Variants in CACNA2D4 observed in about 807,000 individuals in gnomAD.
The protein encoded by CACNA2D4 is voltage-dependent calcium channel subunit alpha-2/delta-4.
In CACNA2D4, 157 loss-of-function variants were observed where a neutral mutation model predicts 163.8. The ratio of observed to expected loss-of-function variants is 0.96; its 90% CI spans 0.84 to 1.09. The LOEUF is 1.09. Among genes scored for constraint, CACNA2D4 ranks in the 50% least tolerant of loss-of-function variants. The pLI, the probability that CACNA2D4 is intolerant of heterozygous loss-of-function variation, is 0.00. For missense variants in CACNA2D4, 1,410 were observed against 1,479.9 expected, an observed-to-expected ratio of 0.95 and a Z score of 0.78; for synonymous variants, 598 against 586.9, an observed-to-expected ratio of 1.02 and a Z score of -0.27.
chr12:1,799,071 C>T lies in CACNA2D4; in HGVS notation c.2995+604G>A, dbSNP rs942465302. Among the ~76,000 whole-genome samples, 4 of 152,188 alleles carry T rather than the reference C, an allele frequency of 2.6e-5. No homozygotes were observed. The highest frequency in any genetic ancestry group is 9.6e-5 in the African/African-American group (4 of 41,456). On this transcript the variant is annotated intron_variant, in intron 34 of 37. Transcript: ENST00000382722. This position sits in a 1 kb window ranked among gnomAD's most constrained non-coding sequence, Gnocchi z 4.7. Reference sequence around the variant, plus strand: ...CCCCATGGCAAAGGTTCTAGGAACACGGAGGAACTGAGCAGAGCCCGCTGA... The same window carrying T: ...CCCCATGGCAAAGGTTCTAGGAACATGGAGGAACTGAGCAGAGCCCGCTGA...
chr12:1,797,532 TG>T lies in CACNA2D4; in HGVS notation c.2998del (p.His1000ThrfsTer55). 1.3e-6 allele frequency: 2 copies of T among 1,560,978 alleles called. No individual in the cohort carries two copies. The highest frequency in any genetic ancestry group is 1.2e-5 in the South Asian group (1 of 85,152). ...CAGCGGGTCCTGCTTCTTGTGTTTG[TG>T]GGCTGCGGGCGGAGAAAGGACATCA... ...AEAKSVFHHS[H>X]KHKKQDPLQP... is the part of the protein sequence containing the mutation. On this transcript the variant is annotated frameshift_variant and splice_region_variant, in exon 35 of 38. Transcript: ENST00000382722. LOFTEE classifies it high-confidence loss of function.
At chr12:1,881,734 C>T (rs1866003971) in intron 13 of CACNA2D4, among the ~76,000 whole-genome samples, 1 of 152,252 alleles carries the variant, frequency 6.6e-6, no homozygotes, top group African/African-American at 2.4e-5. Context: ...CCAAAGGCAG[C>T]CAGCTCGTCT....
chr12:1,866,786 A>AC (rs1328899899), intron 18 of CACNA2D4, among the ~76,000 whole-genome samples: 1 of 82,118 alleles, frequency 1.2e-5, no homozygotes, highest in South Asian at 3.5e-4. Context: ...ACACCTGGCT[A>AC]ATTTTTTTTT....
rs937394606 is a variant in CACNA2D4, at chr12:1,917,645, G to T, written c.227+602C>A. 1.3e-5 allele frequency among the ~76,000 whole-genome samples: 2 copies of T among 152,228 alleles called. No individual in the cohort carries two copies. Among genetic ancestry groups the T allele is most frequent in the African/African-American group, 2.4e-5 (1 of 41,466 alleles). On this transcript the variant is annotated intron_variant, in intron 1 of 37. Transcript: ENST00000382722. The surrounding 1 kb of genome is among the most constrained non-coding windows in gnomAD (Gnocchi z 4.3). ...CCAAGGTGCACATGACTGATACCGG[G>T]TTCTTTCCTGGAGCCGGTCTTAATG... is the stretch of plus-strand genomic sequence containing the variant.
At chr12:1,808,705 G>A (rs115118384) in intron 29 of CACNA2D4, among the ~76,000 whole-genome samples, 88 of 152,338 alleles carry the variant, frequency 5.8e-4, no homozygotes, top group African/African-American at 2.1e-3. Context: ...CCAACACCAC[G>A]GGAGGCCTGG....
At chr12:1,864,427 A>G (rs1865595707) in intron 18 of CACNA2D4, among the ~76,000 whole-genome samples, 1 of 152,142 alleles carries the variant, frequency 6.6e-6, no homozygotes, top group Non-Finnish European at 1.5e-5. Context: ...TTCCATAGTT[A>G]CTCTGCCGTG....
At chr12:1,795,028 A>G in intron 37 of CACNA2D4, 1 of 574,650 alleles carries the variant, frequency 1.7e-6, no homozygotes, top group Non-Finnish European at 3.1e-6. Flanking sequence ...AAGACCAAAC[A>G]CTATAACAAA....
At chr12:1,885,854 G>T in intron 9 of CACNA2D4, 111 bp downstream of exon 9, 1 of 761,286 alleles carries the variant, frequency 1.3e-6, no homozygotes, top group Non-Finnish European at 2.2e-6. Context: ...TCTCATTCCA[G>T]GTGCCATGGG....
intron 18 of CACNA2D4, among the ~76,000 whole-genome samples, chr12:1,861,096 C>T (rs577136612): frequency 1.4e-4 from 22 of 152,346 alleles, no homozygotes; most frequent in Non-Finnish European, 2.9e-4. Context: ...TTGCAGTTGG[C>T]CCAGGACTTG....
chr12:1,902,438 A>G (rs919092425), intron 6 of CACNA2D4, among the ~76,000 whole-genome samples: 4 of 152,088 alleles, frequency 2.6e-5, no homozygotes, highest in Non-Finnish European at 5.9e-5. Context: ...CCTTATTTGC[A>G]GATAATATGA....
At chr12:1,915,537 G>T (rs1414741422) in intron 1 of CACNA2D4, among the ~76,000 whole-genome samples, 1 of 152,212 alleles carries the variant, frequency 6.6e-6, no homozygotes. Flanking sequence ...AAAGCCACTG[G>T]GGGCTGCCGA....
intron 6 of CACNA2D4, among the ~76,000 whole-genome samples, chr12:1,906,008 A>G (rs1866651725): frequency 1.3e-5 from 2 of 152,210 alleles, no homozygotes; most frequent in African/African-American, 2.4e-5. Flanking sequence ...TAGGACAAAA[A>G]TCCCAGAAAT....
rs756499582 is a variant in CACNA2D4, at chr12:1,884,233, C to T, written c.1351+10G>A. 45 of 1,609,626 alleles carry T rather than the reference C, an allele frequency of 2.8e-5. No individual in the cohort carries two copies. In the African/African-American group the frequency reaches 3.9e-4, roughly 14 times the overall value. On this transcript the variant is annotated intron_variant, in intron 12 of 37. Coordinates refer to ENST00000382722, the MANE Select transcript of CACNA2D4 (RefSeq NM_172364.5). ...GCAGGTGGGAAGGTACCTGCTGGCC[C>T]GGCACTCACCTTTGTTGTTGCATGC...
chr12:1,894,969 A>G (rs529367598), intron 6 of CACNA2D4, among the ~76,000 whole-genome samples: 2 of 152,232 alleles, frequency 1.3e-5, no homozygotes, highest in Non-Finnish European at 2.9e-5. Context: ...AGATGGCATA[A>G]TCTTATATCT....
In CACNA2D4 at chr12:1,810,261, T is replaced by G; in HGVS notation, c.2721+17A>C. ...CTGCCGCCCTCTCCCCCTCATTCTA[T>G]ATCCCCAGTGACTCACCTCTCGGGA... On this transcript the variant is annotated intron_variant, in intron 29 of 37. Coordinates refer to ENST00000382722, the MANE Select transcript of CACNA2D4 (RefSeq NM_172364.5). The G allele has an allele frequency of 6.2e-7, 1 of 1,604,234 alleles. No individual in the cohort carries two copies. Among genetic ancestry groups the G allele is most frequent in the Non-Finnish European group, 8.5e-7 (1 of 1,171,138 alleles).
rs1225657695 is a variant in CACNA2D4 at position 1,843,633 on chromosome 12, G to A, written c.2470+769C>T. On this transcript the variant is annotated intron_variant, in intron 25 of 37. Coordinates refer to ENST00000382722, the MANE Select transcript of CACNA2D4 (RefSeq NM_172364.5). This position sits in a 1 kb window ranked among gnomAD's most constrained non-coding sequence, Gnocchi z 4.6. ...AAGCTCCCTGGGCCACAGTCACTTCGAGTGTAAATCAAGAGCACCAGGCTA... is the reference window on the plus strand; with the variant it reads ...AAGCTCCCTGGGCCACAGTCACTTCAAGTGTAAATCAAGAGCACCAGGCTA... Among the ~76,000 whole-genome samples, 2 of 152,350 alleles carry A rather than the reference G, an allele frequency of 1.3e-5. No individual in the cohort carries two copies. Among genetic ancestry groups the A allele is most frequent in the African/African-American group, 4.8e-5 (2 of 41,570 alleles).
intron 26 of CACNA2D4, among the ~76,000 whole-genome samples, chr12:1,819,555 G>A (rs1057342565): frequency 2.0e-5 from 3 of 152,168 alleles, no homozygotes; most frequent in South Asian, 2.1e-4. Context: ...TCTACAGGCA[G>A]TGGACGCAAA....
In CACNA2D4 at chr12:1,856,236, C is replaced by T; in HGVS notation, c.2009-7G>A. ...TGAAGCAAGTCATGCAGGCCTGAAACCAGAGTCCACATTCAGGGTGATGCT... is the reference window on the plus strand; with the variant it reads ...TGAAGCAAGTCATGCAGGCCTGAAATCAGAGTCCACATTCAGGGTGATGCT... On this transcript the variant is annotated splice_polypyrimidine_tract_variant and splice_region_variant and intron_variant, in intron 20 of 37. Coordinates refer to ENST00000382722, the MANE Select transcript of CACNA2D4 (RefSeq NM_172364.5). 2 of 1,614,028 alleles carry T rather than the reference C, an allele frequency of 1.2e-6. No homozygotes were observed. Among genetic ancestry groups the T allele is most frequent in the Non-Finnish European group, 1.7e-6 (2 of 1,179,882 alleles).
chr12:1,816,559 C>G (rs528081207), intron 26 of CACNA2D4, among the ~76,000 whole-genome samples: 2 of 152,338 alleles, frequency 1.3e-5, no homozygotes, highest in African/African-American at 2.4e-5. Flanking sequence ...GATCTCGTGC[C>G]TTCCTCCCAA....
Sources: gnomAD v4.1 joint callset for allele counts (sites outside exome capture counted in the v4.1 genomes callset) on GRCh38, gnomAD v4.1.1 for gene constraint, Gnocchi (gnomAD v3.1) non-coding constraint, MANE v1.5 for transcripts, NCBI Gene and HGNC (gene_info 2026-07-23, HGNC 2026-07-21) for gene names.